The following SUGCT variants were observed in gnomAD, a reference collection of about 807,000 sequenced individuals.
SUGCT encodes the protein succinyl-CoA:glutarate-CoA transferase.
A neutral mutation model predicts 55.0 loss-of-function variants in SUGCT; 41 were observed. The ratio of observed to expected loss-of-function variants is 0.74; its 90% CI spans 0.58 to 0.97. The LOEUF is 0.97. Among genes scored for constraint, SUGCT ranks in the 50% least tolerant of loss-of-function variants. The pLI is 0.00. For missense variants in SUGCT, 568 were observed against 547.8 expected (o/e 1.04, Z -0.37); for synonymous variants, 187 against 200.4 (o/e 0.93, Z 0.56).
chr7:40,857,177 AG>A (rs1209874497), intron 13 of SUGCT, among the ~76,000 whole-genome samples: 2 of 152,198 alleles, frequency 1.3e-5, no homozygotes, highest in Non-Finnish European at 2.9e-5. Flanking sequence ...TTTAGATGAA[AG>A]ATCAGATTAG....
intron 12 of SUGCT, among the ~76,000 whole-genome samples, chr7:40,568,993 C>A (rs1283687914): frequency 1.3e-5 from 2 of 152,112 alleles, no homozygotes; most frequent in East Asian, 1.9e-4. Context: ...AATAATAACA[C>A]CTACCTTTAA....
At chr7:40,322,601 C>G (rs1361958041) in intron 9 of SUGCT, among the ~76,000 whole-genome samples, 1 of 152,128 alleles carries the variant, frequency 6.6e-6, no homozygotes, top group Non-Finnish European at 1.5e-5. Flanking sequence ...TATAGTGTTG[C>G]CCTCATGACA....
intron 8 of SUGCT, among the ~76,000 whole-genome samples, chr7:40,308,336 G>A (rs983001983): frequency 2.0e-5 from 3 of 152,098 alleles, no homozygotes; most frequent in Admixed American, 2.0e-4. Flanking sequence ...TTTTCCATTC[G>A]TCAACTATGA....
chr7:40,428,256 G>T (rs1014301471), intron 9 of SUGCT, among the ~76,000 whole-genome samples: 1 of 152,112 alleles, frequency 6.6e-6, no homozygotes, highest in Non-Finnish European at 1.5e-5. Flanking sequence ...TCCAGCCTAT[G>T]TGTGTCCTTA....
the SUGCT span, among the ~76,000 whole-genome samples, chr7:40,981,468 T>C: frequency 6.6e-6 from 1 of 152,238 alleles, no homozygotes; most frequent in Admixed American, 6.5e-5. Flanking sequence ...TGATCTCTTA[T>C]TAAATGGTTG....
chr7:40,612,658 A>G (rs1798821623), intron 12 of SUGCT, among the ~76,000 whole-genome samples: 1 of 152,204 alleles, frequency 6.6e-6, no homozygotes. Context: ...TCTCATCTGT[A>G]TAGTGGGAAT....
At chr7:40,988,894 G>GT in the SUGCT span, among the ~76,000 whole-genome samples, 2 of 151,452 alleles carry the variant, frequency 1.3e-5, no homozygotes, top group African/African-American at 4.9e-5. Flanking sequence ...AATTTTTGTA[G>GT]TTTTTTTTTG....
In SUGCT at chr7:40,666,995, A is replaced by C. The variant is rs562382449; in HGVS notation, c.1090-82439A>C. On this transcript the variant is annotated intron_variant, in intron 12 of 13. Transcript: ENST00000335693. ...TTAGATGTGGGGTTGCACGCCTGTG[A>C]TCCCAGCTACTTGGGAGGCTGAGGT... Among the ~76,000 whole-genome samples, 130 of 151,736 alleles carry C rather than the reference A, an allele frequency of 8.6e-4. No individual in the cohort carries two copies. The Middle Eastern group carries it at 0.01, about 12-fold the overall frequency.
chr7:40,196,721 G>A lies in SUGCT; in HGVS notation c.484+1661G>A, dbSNP rs564812601. Among the ~76,000 whole-genome samples, 182 of 152,248 alleles carry A rather than the reference G, an allele frequency of 1.2e-3. 2 individuals are homozygous for A. Among genetic ancestry groups the A allele is most frequent in the African/African-American group, 4.2e-3 (176 of 41,554 alleles). ...TTTTTTGTGTGTTTTTCATAGAGAT[G>A]AGGTTTTGCCATGTTGGCCAGGCTG... On this transcript the variant is annotated intron_variant, in intron 6 of 13. Transcript: ENST00000335693.
At chr7:40,493,001 A>G (rs1037485803) in intron 11 of SUGCT, among the ~76,000 whole-genome samples, 1 of 152,212 alleles carries the variant, frequency 6.6e-6, no homozygotes, top group African/African-American at 2.4e-5. Flanking sequence ...GGTATATACG[A>G]TAGAAGTGAA....
intron 6 of SUGCT, among the ~76,000 whole-genome samples, chr7:40,202,588 G>A (rs1359599254): frequency 6.6e-6 from 1 of 152,036 alleles, no homozygotes; most frequent in Non-Finnish European, 1.5e-5. Flanking sequence ...CCCAGGGAAG[G>A]GAAGCAAGTT....
At chr7:40,820,709 A>C (rs1584487870) in intron 13 of SUGCT, among the ~76,000 whole-genome samples, 2 of 152,186 alleles carry the variant, frequency 1.3e-5, no homozygotes, top group Admixed American at 1.3e-4. Flanking sequence ...TGTCATCTGC[A>C]AACAGGGACA....
chr7:40,790,909 A>ATTC (rs1790277333), intron 13 of SUGCT, among the ~76,000 whole-genome samples: 1 of 152,226 alleles, frequency 6.6e-6, no homozygotes, highest in Non-Finnish European at 1.5e-5. Context: ...TAGTCAAAGA[A>ATTC]TATTGCAAAT....
intron 13 of SUGCT, among the ~76,000 whole-genome samples, chr7:40,819,200 T>A (rs1427442135): frequency 2.0e-5 from 3 of 152,110 alleles, no homozygotes; most frequent in Non-Finnish European, 4.4e-5. Context: ...CTATTGTGAA[T>A]AGTGCCGCAA....
intron 6 of SUGCT, among the ~76,000 whole-genome samples, chr7:40,195,558 T>C (rs910609287): frequency 6.6e-6 from 1 of 152,040 alleles, no homozygotes; most frequent in Non-Finnish European, 1.5e-5. Context: ...TTAACCTAAA[T>C]GAATATTTTC....
the SUGCT span, among the ~76,000 whole-genome samples, chr7:41,030,347 T>C: frequency 6.6e-6 from 1 of 152,192 alleles, no homozygotes; most frequent in Non-Finnish European, 1.5e-5. Context: ...CCTTACTTTC[T>C]GAAAAATGGT....
At chr7:40,607,971 T>G (rs1391673152) in intron 12 of SUGCT, among the ~76,000 whole-genome samples, 1 of 152,240 alleles carries the variant, frequency 6.6e-6, no homozygotes, top group South Asian at 2.1e-4. Context: ...TCCATGAATA[T>G]TTCCAAGATG....
At chr7:40,423,324 T>A (rs1787413068) in intron 9 of SUGCT, among the ~76,000 whole-genome samples, 1 of 152,182 alleles carries the variant, frequency 6.6e-6, no homozygotes, top group Admixed American at 6.5e-5. Flanking sequence ...CTGATGCATG[T>A]CATATTCACT....
the SUGCT span, among the ~76,000 whole-genome samples, chr7:41,013,083 T>C: frequency 2.0e-5 from 3 of 151,684 alleles, no homozygotes; most frequent in African/African-American, 7.3e-5. Flanking sequence ...ATTTTTTAAA[T>C]AAGAAGTCCA....
Sources: allele counts gnomAD v4.1 joint callset (sites outside exome capture counted in the v4.1 genomes callset), GRCh38; gene constraint gnomAD v4.1.1; transcripts MANE v1.5; gene names NCBI Gene and HGNC (gene_info 2026-07-23, HGNC 2026-07-21).